Variants in RFX3 observed in about 807,000 individuals in gnomAD.
The protein encoded by RFX3 is transcription factor RFX3.
RFX3 carries 14 observed loss-of-function variants against 98.6 expected under a neutral mutation model. The observed-to-expected ratio is 0.14, with a 90% CI of 0.09 to 0.22. The LOEUF (loss-of-function observed/expected upper bound fraction) is 0.22. RFX3 is among the 10% of genes least tolerant of loss of function. RFX3 has a pLI of 1.00. For synonymous variants in RFX3, 383 were observed against 328.4 expected (o/e 1.17, Z -1.80); for missense variants, 639 against 926.9 (o/e 0.69, Z 4.03).
chr9:3,400,342 A>C (rs1841353113), intron 1 of RFX3: 1 of 309,118 alleles, frequency 3.2e-6, no homozygotes, highest in Admixed American at 6.5e-5. Context: ...GTTGTAAAAC[A>C]TAAAGCTAGA....
intron 1 of RFX3, among the ~76,000 whole-genome samples, chr9:3,468,853 A>G (rs970339274): frequency 6.6e-6 from 1 of 151,742 alleles, no homozygotes; most frequent in Non-Finnish European, 1.5e-5. Flanking sequence ...AAAAAGAAGA[A>G]AAACCGCATA....
At chr9:3,442,174 T>C (rs2132702675) in intron 1 of RFX3, among the ~76,000 whole-genome samples, 1 of 152,208 alleles carries the variant, frequency 6.6e-6, no homozygotes, top group East Asian at 1.9e-4. Context: ...CACTCCAGCC[T>C]GGGCAACAAG....
chr9:3,458,919 A>T (rs1847442450), intron 1 of RFX3, among the ~76,000 whole-genome samples: 1 of 152,176 alleles, frequency 6.6e-6, no homozygotes, highest in African/African-American at 2.4e-5. Flanking sequence ...CTCAAATTTG[A>T]TTATCTGCCA....
In RFX3 at chr9:3,313,950, C is replaced by T. The variant is rs1032234394; in HGVS notation, c.475-12330G>A. Among the ~76,000 whole-genome samples the T allele has an allele frequency of 8.5e-5, 13 of 152,216 alleles. No homozygotes were observed. In the East Asian group the frequency reaches 9.6e-4, roughly 11 times the overall value. On this transcript the variant is annotated intron_variant, in intron 4 of 16. Coordinates refer to ENST00000617270, the MANE Select transcript of RFX3 (RefSeq NM_001282116.2). ...TGGAACCAAGTTGGAAAGCACTCTT[C>T]GGATATTATCCAGGAGAACTTCCCC...
rs1399676013 is a variant in RFX3, at chr9:3,450,441, C to CT, written c.-8-54846dup. 3.9e-4 allele frequency among the ~76,000 whole-genome samples: 59 copies of CT among 152,202 alleles called. 1 individual carries two copies. The highest frequency in any genetic ancestry group is 1.4e-3 in the African/African-American group (58 of 41,534). ...TTAACAAAACATTCTCCCCAATCCT[C>CT]TGTTCAATACACAAATTTGAAATGT... is the stretch of plus-strand genomic sequence containing the variant. On this transcript the variant is annotated intron_variant, in intron 1 of 16. Transcript: ENST00000617270.
intron 7 of RFX3, among the ~76,000 whole-genome samples, chr9:3,283,257 T>C (rs1826143670): frequency 6.6e-6 from 1 of 151,786 alleles, no homozygotes. Context: ...AAGAAAGATA[T>C]TTTTCTGTAG....
intron 2 of RFX3, among the ~76,000 whole-genome samples, chr9:3,383,899 A>T (rs1839444295): frequency 1.3e-5 from 2 of 152,148 alleles, no homozygotes; most frequent in Admixed American, 1.3e-4. Context: ...TTGTGTATCT[A>T]TTTCTAAAAT....
chr9:3,319,813 A>G (rs1322539574), intron 4 of RFX3, among the ~76,000 whole-genome samples: 4 of 151,952 alleles, frequency 2.6e-5, no homozygotes, highest in Non-Finnish European at 5.9e-5. Flanking sequence ...TGCCTGGTCA[A>G]CAGTAATACC....
chr9:3,356,963 G>GAA (rs1563979547), intron 2 of RFX3, among the ~76,000 whole-genome samples: 97 of 140,922 alleles, frequency 6.9e-4, no homozygotes, highest in African/African-American at 2.4e-3. Flanking sequence ...ATACACACAT[G>GAA]CACACACACG....
intron 4 of RFX3, among the ~76,000 whole-genome samples, chr9:3,313,743 C>T (rs144426905): frequency 1.4e-4 from 22 of 152,092 alleles, no homozygotes; most frequent in African/African-American, 4.8e-4. Flanking sequence ...CTTCAGTAGC[C>T]GATTTGATTA....
chr9:3,395,505 C>A lies in RFX3; in HGVS notation c.84G>T (p.Thr28=), dbSNP rs1840764697. ...GTACTGGTACTTGCTGTACCACCTG[C>A]GTAGGCACTGCTGCTTGACTAGCCA... ...TSVASQAAVP[T]QVVQQVPVQQ... The change falls in exon 2 of 17, where the codon ACG becomes ACT. Residue 28 remains threonine, a synonymous_variant. Coordinates refer to ENST00000617270, the MANE Select transcript of RFX3 (RefSeq NM_001282116.2). 2 of 1,614,104 alleles carry A rather than the reference C, an allele frequency of 1.2e-6. No homozygotes were observed. Among genetic ancestry groups the A allele is most frequent in the Non-Finnish European group, 1.7e-6 (2 of 1,179,972 alleles).
chr9:3,289,585 G>T (rs994944626), intron 6 of RFX3, among the ~76,000 whole-genome samples: 1 of 152,128 alleles, frequency 6.6e-6, no homozygotes, highest in East Asian at 1.9e-4. Context: ...CAAAACTACA[G>T]AGGAAAATGA....
intron 15 of RFX3, among the ~76,000 whole-genome samples, chr9:3,238,556 C>T (rs933143271): frequency 6.6e-6 from 1 of 152,132 alleles, no homozygotes; most frequent in Admixed American, 6.6e-5. Flanking sequence ...AAGAAATAGG[C>T]CCTTTAAAGC....
chr9:3,475,514 C>CAG (rs1219548884), intron 1 of RFX3, among the ~76,000 whole-genome samples: 1 of 152,070 alleles, frequency 6.6e-6, no homozygotes, highest in Admixed American at 6.5e-5. Flanking sequence ...CCAAGGCAGA[C>CAG]AGAGAGAGAG....
rs970390185 is a variant in RFX3, at chr9:3,301,677, A to C, written c.475-57T>G. 3 of 1,241,010 alleles carry C rather than the reference A, an allele frequency of 2.4e-6. No individual in the cohort carries two copies. In the South Asian group the frequency reaches 4.1e-5, roughly 17 times the overall value. 76.9% of individuals were successfully genotyped at this position (1,241,010 alleles called of 1,614,324 possible). ...AAGACAAGATAGTAATAAAAGGCTGACCAGAGAATTTCTGATAGATTCTTT... is the reference window on the plus strand; with the variant it reads ...AAGACAAGATAGTAATAAAAGGCTGCCCAGAGAATTTCTGATAGATTCTTT... On this transcript the variant is annotated intron_variant, in intron 4 of 16. Transcript: ENST00000617270.
chr9:3,282,140 GA>G (rs964017063), intron 7 of RFX3, among the ~76,000 whole-genome samples: 4 of 151,670 alleles, frequency 2.6e-5, no homozygotes, highest in African/African-American at 9.7e-5. Context: ...AATCTCTTTG[GA>G]AAAAACTGTC....
At chr9:3,251,012 T>C (rs1821324301) in intron 14 of RFX3, among the ~76,000 whole-genome samples, 1 of 152,196 alleles carries the variant, frequency 6.6e-6, no homozygotes, top group African/African-American at 2.4e-5. Context: ...TACAATCGTA[T>C]ATGAAGATAA....
chr9:3,291,782 G>T (rs1445094347), intron 6 of RFX3, among the ~76,000 whole-genome samples: 1 of 151,924 alleles, frequency 6.6e-6, no homozygotes, highest in Non-Finnish European at 1.5e-5. Context: ...ACTAAGGAAG[G>T]CTGTGTTTAT....
chr9:3,500,110 A>C (rs561975472), intron 1 of RFX3, among the ~76,000 whole-genome samples: 1 of 152,322 alleles, frequency 6.6e-6, no homozygotes, highest in Non-Finnish European at 1.5e-5. Context: ...AATGTGGAAC[A>C]ACTATCCAAA....
Sources: allele counts gnomAD v4.1 joint callset (sites outside exome capture counted in the v4.1 genomes callset), GRCh38; gene constraint gnomAD v4.1.1; transcripts MANE v1.5; gene names NCBI Gene and HGNC (gene_info 2026-07-23, HGNC 2026-07-21).